PIAS1: variants seen among roughly 807,000 people sequenced by gnomAD.
PIAS1 encodes the protein protein inhibitor of activated STAT 1, also known as E3 SUMO-protein ligase PIAS1.
In PIAS1, 6 loss-of-function variants were observed where a neutral mutation model predicts 71.3. The ratio of observed to expected loss-of-function variants is 0.08; its 90% CI spans 0.05 to 0.17. The LOEUF is 0.17. PIAS1 is among the 10% of genes least tolerant of loss of function. PIAS1 has a pLI of 1.00. For missense variants in PIAS1, 555 were observed against 793.6 expected, an observed-to-expected ratio of 0.70 and a Z score of 3.61; for synonymous variants, 303 against 292.9, an observed-to-expected ratio of 1.03 and a Z score of -0.35.
At chr15:68,109,810 T>C (rs982270554) in intron 2 of PIAS1, among the ~76,000 whole-genome samples, 1 of 152,182 alleles carries the variant, frequency 6.6e-6, no homozygotes, top group African/African-American at 2.4e-5. Context: ...CAAACAAAAA[T>C]GTCTATTCAG....
At chr15:68,141,573 T>C (rs1377622236) in intron 2 of PIAS1, among the ~76,000 whole-genome samples, 1 of 152,182 alleles carries the variant, frequency 6.6e-6, no homozygotes, top group Non-Finnish European at 1.5e-5. Context: ...TGTTACTTCT[T>C]CCAGAAACCA....
chr15:68,133,527 A>G (rs2092700639), intron 2 of PIAS1, among the ~76,000 whole-genome samples: 2 of 152,144 alleles, frequency 1.3e-5, no homozygotes, highest in African/African-American at 2.4e-5. Context: ...GATAAAAAAG[A>G]TAATTGGGAA....
At chr15:68,109,854 A>G (rs1049098646) in intron 2 of PIAS1, among the ~76,000 whole-genome samples, 1 of 152,118 alleles carries the variant, frequency 6.6e-6, no homozygotes, top group Non-Finnish European at 1.5e-5. Context: ...CACACAAGAA[A>G]TGTCTACTCA....
intron 2 of PIAS1, among the ~76,000 whole-genome samples, chr15:68,095,869 C>A (rs187103386): frequency 1.3e-5 from 2 of 152,254 alleles, no homozygotes; most frequent in African/African-American, 4.8e-5. Flanking sequence ...TTGCAGCAGA[C>A]CCCAATAGCT....
chr15:68,076,334 C>T (rs962747320), intron 1 of PIAS1, among the ~76,000 whole-genome samples: 6 of 151,878 alleles, frequency 4.0e-5, no homozygotes, highest in Admixed American at 6.6e-5. Context: ...GGTGAAAGCG[C>T]GTCTTTACTA....
chr15:68,157,923 G>A (rs2092901802), intron 7 of PIAS1, among the ~76,000 whole-genome samples: 3 of 152,106 alleles, frequency 2.0e-5, no homozygotes, highest in Admixed American at 1.3e-4. Context: ...TTTCTCAAAT[G>A]TGCCTTCTGT....
intron 6 of PIAS1, among the ~76,000 whole-genome samples, chr15:68,151,261 C>CCA (rs1417495501): frequency 1.3e-5 from 2 of 151,988 alleles, no homozygotes; most frequent in East Asian, 3.9e-4. Context: ...TTTGTTAGTA[C>CCA]CACATTCTTT....
At chr15:68,071,611 T>C (rs1164037383) in intron 1 of PIAS1, among the ~76,000 whole-genome samples, 1 of 151,998 alleles carries the variant, frequency 6.6e-6, no homozygotes, top group African/African-American at 2.4e-5. Flanking sequence ...AACAATGTAT[T>C]CATAAGAGGA....
intron 12 of PIAS1, among the ~76,000 whole-genome samples, chr15:68,182,250 AAG>A (rs1466725133): frequency 2.0e-5 from 3 of 152,184 alleles, no homozygotes; most frequent in African/African-American, 7.2e-5. Context: ...TATTATCAAA[AAG>A]AATTGTTTTT....
intron 1 of PIAS1, among the ~76,000 whole-genome samples, chr15:68,069,361 G>T (rs1475935177): frequency 6.6e-6 from 1 of 151,948 alleles, no homozygotes; most frequent in Non-Finnish European, 1.5e-5. Flanking sequence ...CCTTTTGCCC[G>T]TTTGACCTTT....
At chr15:68,055,929 G>A (rs944701847) in intron 1 of PIAS1, 1 of 700,682 alleles carries the variant, frequency 1.4e-6, no homozygotes, top group African/African-American at 1.7e-5. Flanking sequence ...GGCTTTGAGT[G>A]TCATTCTTTT....
At chr15:68,081,696 C>T (rs2092231069) in intron 1 of PIAS1, among the ~76,000 whole-genome samples, 1 of 151,516 alleles carries the variant, frequency 6.6e-6, no homozygotes, top group Admixed American at 6.6e-5. Context: ...AGCTAAAAGA[C>T]AAGAGATGTA....
At chr15:68,110,360 C>T (rs922534480) in intron 2 of PIAS1, among the ~76,000 whole-genome samples, 10 of 152,102 alleles carry the variant, frequency 6.6e-5, no homozygotes, top group Admixed American at 3.3e-4. Flanking sequence ...TTTGGGAGGC[C>T]GAGGTGGGTG....
rs557358314 is a variant in PIAS1, at chr15:68,117,498, A to G, written c.470-24448A>G. On this transcript the variant is annotated intron_variant, in intron 2 of 13. Coordinates refer to ENST00000249636, the MANE Select transcript of PIAS1 (RefSeq NM_016166.3). The stretch of plus-strand genomic sequence containing the variant: ...ACTGTAGCTTTGTACTTGTGGACCA[A>G]TCTCTGCCTATTTCTCTTCCCTCTG... Among the ~76,000 whole-genome samples, 5 of 152,298 alleles carry G rather than the reference A, an allele frequency of 3.3e-5. No homozygotes were observed. In the South Asian group the frequency reaches 1.0e-3, roughly 32 times the overall value.
chr15:68,151,966 G>T (rs1352784851), intron 6 of PIAS1, among the ~76,000 whole-genome samples: 9 of 52,778 alleles, frequency 1.7e-4, no homozygotes, highest in African/African-American at 3.8e-4. Flanking sequence ...TTTTTGGGGG[G>T]GGAGACAGAG....
intron 7 of PIAS1, among the ~76,000 whole-genome samples, chr15:68,156,757 A>C (rs1308927048): frequency 1.3e-5 from 2 of 150,656 alleles, no homozygotes; most frequent in African/African-American, 4.9e-5. Flanking sequence ...GCCAAGAAGG[A>C]GGGTGACCAG....
intron 2 of PIAS1, among the ~76,000 whole-genome samples, chr15:68,104,609 T>C (rs1441131866): frequency 6.6e-6 from 1 of 151,970 alleles, no homozygotes; most frequent in African/African-American, 2.4e-5. Flanking sequence ...CTCATGGAGG[T>C]AGTGATGATG....
rs561577359 is a variant in PIAS1 at position 68,175,451 on chromosome 15, A to G, written c.1170-186A>G. 7.2e-5 allele frequency among the ~76,000 whole-genome samples: 11 copies of G among 152,330 alleles called. No individual in the cohort carries two copies. The South Asian group carries it at 2.3e-3, about 32-fold the overall frequency. On this transcript the variant is annotated intron_variant, in intron 9 of 13. Coordinates refer to ENST00000249636, the MANE Select transcript of PIAS1 (RefSeq NM_016166.3). ...TCTCACTTTTTGTGAACATTTTCCC[A>G]TATGATTAAAAATCTTTGAAAATGT...
chr15:68,154,840 G>A (rs534602198), intron 7 of PIAS1, among the ~76,000 whole-genome samples: 4 of 152,222 alleles, frequency 2.6e-5, no homozygotes, highest in Non-Finnish European at 5.9e-5. Context: ...GCAGGGATAA[G>A]AAGATGGTAG....
Sources: gnomAD v4.1 joint callset for allele counts (sites outside exome capture counted in the v4.1 genomes callset) on GRCh38, gnomAD v4.1.1 for gene constraint, MANE v1.5 for transcripts, NCBI Gene and HGNC (gene_info 2026-07-23, HGNC 2026-07-21) for gene names.